The following SH3KBP1 variants were observed in gnomAD, a reference collection of about 807,000 sequenced individuals.
The protein encoded by SH3KBP1 is SH3 domain containing kinase binding protein 1, also known as SH3 domain-containing kinase-binding protein 1.
SH3KBP1 carries 8 observed loss-of-function variants against 50.1 expected under a neutral mutation model. That is an observed-to-expected ratio of 0.16 (90% confidence interval 0.09 to 0.29). The LOEUF is 0.29. Ranked by LOEUF, SH3KBP1 falls within the 10% of genes least tolerant of loss-of-function variation. The pLI is 1.00. For synonymous variants in SH3KBP1, 227 were observed against 218.6 expected (o/e 1.04, Z -0.34); for missense variants, 377 against 535.2 (o/e 0.70, Z 2.92).
At chrX:19,634,031 G>GGT (rs60109180) in intron 7 of SH3KBP1, among the ~76,000 whole-genome samples, 1,121 of 32,076 alleles carry the variant, frequency 0.035, 19 homozygotes, top group African/African-American at 0.043. Context: ...TTTGTTCCCT[G>GGT]GTGTGTGTGT....
intron 2 of SH3KBP1, among the ~76,000 whole-genome samples, chrX:19,765,174 C>T (rs768018560): frequency 9.1e-6 from 1 of 109,426 alleles, no homozygotes; most frequent in Admixed American, 9.8e-5. Context: ...CACTTCGTGA[C>T]CATGCACAAG....
chrX:19,584,173 A>G (rs1478190602), intron 12 of SH3KBP1, among the ~76,000 whole-genome samples: 1 of 94,269 alleles, frequency 1.1e-5, no homozygotes, highest in Admixed American at 1.3e-4. Context: ...ATATATATTT[A>G]TATATAATAT....
chrX:19,671,545 C>T (rs1184314453), intron 6 of SH3KBP1, among the ~76,000 whole-genome samples: 1 of 111,645 alleles, frequency 9.0e-6, no homozygotes, highest in Non-Finnish European at 1.9e-5. Flanking sequence ...TTTGTTCTTT[C>T]CCCCAAAAGA....
At chrX:19,752,879 C>A (rs2065105450) in intron 2 of SH3KBP1, among the ~76,000 whole-genome samples, 1 of 111,960 alleles carries the variant, frequency 8.9e-6, no homozygotes, top group South Asian at 3.7e-4. Flanking sequence ...GGATCAACAT[C>A]AATGGGGCAG....
At position 19,816,789 on chromosome X, in the gene SH3KBP1, C is replaced by T. The variant is rs958754382; in HGVS notation, c.162+19336G>A. Among the ~76,000 whole-genome samples the T allele has an allele frequency of 9.0e-5, 10 of 111,617 alleles. 1 individual carries two copies. The highest frequency in any genetic ancestry group is 2.8e-4 in the East Asian group (1 of 3,571). ...TGCCACTGCACTCTAGCCTGGGCAA[C>T]GGAGCAAAAACAAAAAAGATTTTGT... On this transcript the variant is annotated intron_variant, in intron 2 of 17. Transcript: ENST00000397821.
chrX:19,688,331 G>A (rs2063211560), intron 5 of SH3KBP1, among the ~76,000 whole-genome samples: 1 of 111,344 alleles, frequency 9.0e-6, no homozygotes, highest in African/African-American at 3.3e-5. Flanking sequence ...ATAAACATAC[G>A]GGGTTTTCTG....
intron 3 of SH3KBP1, among the ~76,000 whole-genome samples, chrX:19,735,975 C>T (rs1344966417): frequency 3.6e-5 from 4 of 111,304 alleles, no homozygotes; most frequent in African/African-American, 9.8e-5. Context: ...CCACCCGCCT[C>T]GGCCTCCCAA....
chrX:19,735,816 C>T (rs928954827), intron 3 of SH3KBP1, among the ~76,000 whole-genome samples: 2 of 107,466 alleles, frequency 1.9e-5, no homozygotes, highest in Admixed American at 9.9e-5. Flanking sequence ...CTCCGCCTCC[C>T]GGGTTCACGC....
chrX:19,659,738 C>A (rs897189418), intron 6 of SH3KBP1, among the ~76,000 whole-genome samples: 8 of 112,616 alleles, frequency 7.1e-5, no homozygotes, highest in African/African-American at 2.6e-4. Context: ...TATTGTATGC[C>A]TTTCACGAAA....
chrX:19,871,079 A>G (rs138580129), intron 1 of SH3KBP1, among the ~76,000 whole-genome samples: 2,652 of 112,278 alleles, frequency 0.024, 87 homozygotes, highest in African/African-American at 0.081. Flanking sequence ...ACATTTTTCT[A>G]TCTCACAAAG....
rs1332303690 is a variant in SH3KBP1 at position 19,887,559 on chromosome X, C to T, written c.-249G>A. 7 of 190,056 alleles carry T rather than the reference C, an allele frequency of 3.7e-5. No individual in the cohort carries two copies. The highest frequency in any genetic ancestry group is 4.6e-5 in the Non-Finnish European group (5 of 108,008). 15.7% of individuals were successfully genotyped at this position (190,056 alleles called of 1,213,427 possible). A position where few individuals can be genotyped will look rare whatever the true frequency, so the allele number is the denominator to read the frequency against. ...GCTGTTGCATCGCGGCCCAATGCGCCCGGCTGCGCCGGGTTTCCTGCTCCC... is the reference window on the plus strand; with the variant it reads ...GCTGTTGCATCGCGGCCCAATGCGCTCGGCTGCGCCGGGTTTCCTGCTCCC... On this transcript the variant is annotated 5_prime_UTR_variant, in exon 1 of 18. Transcript: ENST00000397821.
intron 16 of SH3KBP1, among the ~76,000 whole-genome samples, chrX:19,541,381 C>A (rs1294523642): frequency 9.0e-6 from 1 of 111,500 alleles, no homozygotes; most frequent in Non-Finnish European, 1.9e-5. Context: ...GAAGAAAGAC[C>A]CCCACTGCCC....
At chrX:19,667,690 T>C (rs2062633624) in intron 6 of SH3KBP1, among the ~76,000 whole-genome samples, 1 of 111,466 alleles carries the variant, frequency 9.0e-6, no homozygotes, top group Admixed American at 9.5e-5. Context: ...AAATATATTT[T>C]ACAACAATAA....
chrX:19,556,412 T>G lies in SH3KBP1; in HGVS notation c.1385-6329A>C, dbSNP rs1355552198. On this transcript the variant is annotated intron_variant, in intron 13 of 17. Transcript: ENST00000397821. ...AATGGGAGGAGGAAGTCTCGCTCCA[T>G]GCCTCAGTCATTTGACTAGTGTGGA... 3.6e-5 allele frequency among the ~76,000 whole-genome samples: 4 copies of G among 110,620 alleles called. No homozygotes were observed. In the Admixed American group the frequency reaches 3.9e-4, roughly 11 times the overall value.
rs1224462147 is a variant in SH3KBP1, at chrX:19,720,344, G to A, written c.287-13360C>T. ...CCTGGCTTGACTTTCCCCCAGCCCT[G>A]GCAGCTAGCTCTCCAGAGGAGAGGG... On this transcript the variant is annotated intron_variant, in intron 3 of 17. Coordinates refer to ENST00000397821, the MANE Select transcript of SH3KBP1 (RefSeq NM_031892.3). Among the ~76,000 whole-genome samples the A allele has an allele frequency of 3.6e-5, 4 of 110,698 alleles. No homozygotes were observed. The East Asian group carries it at 1.1e-3, about 32-fold the overall frequency.
At chrX:19,699,747 T>C (rs936216417) in intron 4 of SH3KBP1, among the ~76,000 whole-genome samples, 5 of 111,987 alleles carry the variant, frequency 4.5e-5, no homozygotes, top group Non-Finnish European at 9.4e-5. Flanking sequence ...CTGTTGGAGA[T>C]TGGGCAAACA....
In SH3KBP1 at chrX:19,572,476, A is replaced by C. The variant is rs898419035; in HGVS notation, c.1299-3288T>G. Among the ~76,000 whole-genome samples the C allele has an allele frequency of 2.8e-5, 3 of 106,552 alleles. No individual in the cohort carries two copies. In the Admixed American group the frequency reaches 3.1e-4, roughly 11 times the overall value. The allele number at this position is 106,552 out of a possible 115,157, so 92.5% of individuals were successfully genotyped here. On this transcript the variant is annotated intron_variant, in intron 12 of 17. Transcript: ENST00000397821. ...TATATATAGTACATATATACTATAT[A>C]TAGTACATATATGTTATATATAGTA...
rs2069635109 is a variant in SH3KBP1 at position 19,887,554 on chromosome X, T to C, written c.-244A>G. ...CTGCTGCTGTTGCATCGCGGCCCAA[T>C]GCGCCCGGCTGCGCCGGGTTTCCTG... On this transcript the variant is annotated 5_prime_UTR_variant, in exon 1 of 18. Coordinates refer to ENST00000397821, the MANE Select transcript of SH3KBP1 (RefSeq NM_031892.3). 9.7e-6 allele frequency: 1 copy of C among 103,593 alleles called. No individual in the cohort carries two copies. The highest frequency in any genetic ancestry group is 1.8e-5 in the Non-Finnish European group (1 of 56,539). 8.5% of individuals were successfully genotyped at this position (103,593 alleles called of 1,213,427 possible).
At chrX:19,597,390 C>T (rs1187511087) in intron 9 of SH3KBP1, among the ~76,000 whole-genome samples, 8 of 112,052 alleles carry the variant, frequency 7.1e-5, no homozygotes, top group Non-Finnish European at 1.5e-4. Flanking sequence ...ATCTATAGAA[C>T]AGAGGCAGAG....
Sources: gnomAD v4.1 joint callset for allele counts (sites outside exome capture counted in the v4.1 genomes callset) on GRCh38, gnomAD v4.1.1 for gene constraint, MANE v1.5 for transcripts, NCBI Gene and HGNC (gene_info 2026-07-23, HGNC 2026-07-21) for gene names.